THBS4: variants seen among roughly 807,000 people sequenced by gnomAD.
THBS4 encodes thrombospondin 4, also known as thrombospondin-4.
THBS4 carries 90 observed loss-of-function variants against 115.7 expected under a neutral mutation model. The ratio of observed to expected loss-of-function variants is 0.78; its 90% CI spans 0.66 to 0.93. The LOEUF (loss-of-function observed/expected upper bound fraction) is 0.93, where lower values mean the gene tolerates loss of function less well. Among genes scored for constraint, THBS4 ranks in the 40% least tolerant of loss-of-function variants. The pLI is 0.00. For synonymous variants in THBS4, 460 were observed against 479.3 expected (o/e 0.96, Z 0.53); for missense variants, 1,087 against 1,232.7 (o/e 0.88, Z 1.77).
At chr5:80,043,809 A>G (rs1052203296) in intron 2 of THBS4, among the ~76,000 whole-genome samples, 3 of 152,168 alleles carry the variant, frequency 2.0e-5, no homozygotes, top group African/African-American at 7.2e-5. Flanking sequence ...TTGGATCAAG[A>G]TACATCTGAC....
intron 20 of THBS4, among the ~76,000 whole-genome samples, chr5:80,080,539 C>G (rs1743436670): frequency 6.8e-6 from 1 of 147,150 alleles, no homozygotes; most frequent in African/African-American, 2.5e-5. Context: ...AGTCTGTCTT[C>G]CCTGCTGGAT....
At chr5:79,993,450 C>CT (rs1831728980) in intron 1 of THBS4, among the ~76,000 whole-genome samples, 1 of 152,156 alleles carries the variant, frequency 6.6e-6, no homozygotes, top group Non-Finnish European at 1.5e-5. Context: ...GCTCCTGTGC[C>CT]TTTTCCTGGC....
chr5:80,080,947 G>A (rs890193759), intron 20 of THBS4, among the ~76,000 whole-genome samples: 3 of 152,094 alleles, frequency 2.0e-5, no homozygotes, highest in African/African-American at 4.8e-5. Flanking sequence ...TCTACTACAC[G>A]TGGCATGAAC....
chr5:80,005,223 C>T (rs1161799313), intron 2 of THBS4, among the ~76,000 whole-genome samples: 1 of 152,216 alleles, frequency 6.6e-6, no homozygotes, highest in African/African-American at 2.4e-5. Flanking sequence ...TGCTACTAAA[C>T]AGAAAATTCA....
chr5:80,029,222 C>T (rs1047540262), intron 2 of THBS4, among the ~76,000 whole-genome samples: 19 of 152,166 alleles, frequency 1.2e-4, no homozygotes, highest in African/African-American at 3.9e-4. Context: ...TAATTCATTA[C>T]ACTCCACATC....
intron 2 of THBS4, among the ~76,000 whole-genome samples, chr5:80,013,963 C>A (rs1311683349): frequency 1.3e-5 from 2 of 152,156 alleles, no homozygotes; most frequent in Non-Finnish European, 2.9e-5. Context: ...AGTAACAAAA[C>A]CCCAGAAGGA....
intron 11 of THBS4, 63 bp downstream of exon 11, chr5:80,070,473 A>G (rs1249974576): frequency 2.7e-6 from 4 of 1,504,528 alleles, no homozygotes; most frequent in South Asian, 2.3e-5. Context: ...CACATCTTCT[A>G]TGGGGAGAGG....
rs573350268 is a variant in THBS4, at chr5:80,026,473, A to G, written n.178-13604A>G. Among the ~76,000 whole-genome samples the G allele has an allele frequency of 1.8e-3, 272 of 152,340 alleles. 1 individual carries two copies. The highest frequency in any genetic ancestry group is 6.3e-3 in the African/African-American group (260 of 41,584). On this transcript the variant is annotated intron_variant and non_coding_transcript_variant, in intron 2 of 3. Coordinates refer to the THBS4 transcript ENST00000510218. Reference sequence around the variant, plus strand: ...AGGATTGCCAGAAAAGGCATGATCTAGAACAGGGGTCAGTAACCTTTTCTG... The same window carrying G: ...AGGATTGCCAGAAAAGGCATGATCTGGAACAGGGGTCAGTAACCTTTTCTG...
chr5:80,067,837 A>C, intron 9 of THBS4, 136 bp from the exon 10 acceptor site: 9 of 956,822 alleles, frequency 9.4e-6, no homozygotes, highest in Non-Finnish European at 1.2e-5. Context: ...GTAAGCAAAG[A>C]AGAAGGCATG....
intron 1 of THBS4, among the ~76,000 whole-genome samples, chr5:79,996,489 G>A (rs1831797457): frequency 6.6e-6 from 1 of 152,170 alleles, no homozygotes; most frequent in East Asian, 1.9e-4. Context: ...AGTTGCCCCA[G>A]GAATTGAAAG....
intron 2 of THBS4, 80 bp from the exon 3 acceptor site, chr5:80,055,705 A>C: frequency 6.5e-7 from 1 of 1,549,202 alleles, no homozygotes; most frequent in South Asian, 1.2e-5. Flanking sequence ...AGCACAGGAC[A>C]CTTATCACAC....
At chr5:80,010,063 T>C (rs993053609) in intron 2 of THBS4, among the ~76,000 whole-genome samples, 5 of 152,162 alleles carry the variant, frequency 3.3e-5, no homozygotes, top group African/African-American at 1.2e-4. Context: ...AGCCCAGAAG[T>C]TGAAGGCTGC....
At chr5:80,020,693 T>C (rs1366453348) in intron 2 of THBS4, among the ~76,000 whole-genome samples, 1 of 152,010 alleles carries the variant, frequency 6.6e-6, no homozygotes, top group Non-Finnish European at 1.5e-5. Context: ...GGATTCAGAG[T>C]CATCACACCC....
At chr5:80,000,946 G>A (rs1263013488) in intron 2 of THBS4, among the ~76,000 whole-genome samples, 1 of 152,064 alleles carries the variant, frequency 6.6e-6, no homozygotes, top group Non-Finnish European at 1.5e-5. Flanking sequence ...ATATGTAGAT[G>A]TCTTCATTAT....
At chr5:80,060,604 A>G (rs1482585040) in intron 7 of THBS4, among the ~76,000 whole-genome samples, 1 of 152,172 alleles carries the variant, frequency 6.6e-6, no homozygotes, top group Non-Finnish European at 1.5e-5. Context: ...TACAAAAAAT[A>G]TGATAATTAC....
chr5:80,061,475 G>T (rs549153241), intron 7 of THBS4, among the ~76,000 whole-genome samples: 1 of 152,122 alleles, frequency 6.6e-6, no homozygotes, highest in East Asian at 1.9e-4. Flanking sequence ...ACATGCATGT[G>T]CCATTATTCT....
In THBS4 at chr5:80,078,225, C is replaced by G; in HGVS notation, c.2263C>G (p.Gln755Glu). 1.3e-6 allele frequency: 2 copies of G among 1,578,280 alleles called. No homozygotes were observed. The change falls in exon 17 of 22, where the codon CAG (glutamine) becomes GAG (glutamate). Residue 755 changes from glutamine to glutamate, a missense_variant and splice_region_variant. By Grantham distance (29) the Gln-to-Glu change is conservative. Transcript: ENST00000350881. ...QIDPNWVVLN[Q>E]GMEIVQTMNS... ...CGATCCCAACTGGGTGGTCCTGAAC[C>G]AGGTGAGTGTCACATGGGCGGCAAT...
intron 3 of THBS4, 53 bp from the exon 4 acceptor site, chr5:80,058,153 A>G: frequency 7.1e-7 from 1 of 1,412,832 alleles, no homozygotes; most frequent in Non-Finnish European, 9.8e-7. Flanking sequence ...AGGCAAGCAC[A>G]TTGGCTTTTG....
At chr5:80,068,195 T>A (rs1833906285) in intron 10 of THBS4, 70 bp downstream of exon 10, 1 of 1,575,224 alleles carries the variant, frequency 6.3e-7, no homozygotes, top group African/African-American at 1.3e-5. Context: ...CTCCAGTTTC[T>A]ATGTGCTTCA....
Sources: allele counts gnomAD v4.1 joint callset (sites outside exome capture counted in the v4.1 genomes callset), GRCh38; gene constraint gnomAD v4.1.1; transcripts MANE v1.5; gene names NCBI Gene and HGNC (gene_info 2026-07-23, HGNC 2026-07-21).